ABITRAM: variants seen among roughly 807,000 people sequenced by gnomAD.
The protein encoded by ABITRAM is protein Abitram.
ABITRAM carries 19 observed loss-of-function variants against 22.9 expected under a neutral mutation model. That is an observed-to-expected ratio of 0.83 (90% CI 0.58 to 1.22). The LOEUF (loss-of-function observed/expected upper bound fraction) is 1.22. Among genes scored for constraint, ABITRAM ranks in the 50% most tolerant of loss-of-function variants. ABITRAM has a pLI of 0.00. For missense variants in ABITRAM, 215 were observed against 220.2 expected (o/e 0.98, Z 0.15); for synonymous variants, 70 against 73.9 (o/e 0.95, Z 0.27).
Position 108,940,774 on chromosome 9 carries a change from A to G in ABITRAM, c.*1088A>G, listed in dbSNP as rs1393056972. ...AAAGGCATAGGGGCCTTTGAATGGA[A>G]CAAATGCTTTCACATCATTTAAAGT... On this transcript the variant is annotated 3_prime_UTR_variant, in exon 6 of 6. Transcript: ENST00000322940. The G allele has an allele frequency of 2.0e-5, 3 of 152,182 alleles. No homozygotes were observed. The highest frequency in any genetic ancestry group is 4.8e-5 in the African/African-American group (2 of 41,454). The allele number at this position is 152,182 out of a possible 1,614,324, so 9.4% of individuals were successfully genotyped here.
intron 3 of ABITRAM, among the ~76,000 whole-genome samples, chr9:108,946,097 G>A (rs1232284769): frequency 1.3e-5 from 2 of 151,912 alleles, no homozygotes; most frequent in African/African-American, 2.4e-5. Context: ...TCAAGAGATC[G>A]AGACCATCCT....
chr9:108,938,818 A>T (rs995586636), intron 3 of ABITRAM, among the ~76,000 whole-genome samples: 1 of 152,156 alleles, frequency 6.6e-6, no homozygotes, highest in African/African-American at 2.4e-5. Context: ...AACTAACTTT[A>T]TACAATATTG....
chr9:108,939,546 C>T lies in ABITRAM; in HGVS notation c.409-3C>T, dbSNP rs1198614565. ...ACAGTACTAAATGTTCTTTCCTTTC[C>T]AGCCATCTACTGAAGGCTACATTGC... On this transcript the variant is annotated splice_polypyrimidine_tract_variant and splice_region_variant and intron_variant, in intron 5 of 5. Transcript: ENST00000322940. 1 of 1,613,034 alleles carries T rather than the reference C, an allele frequency of 6.2e-7. No homozygotes were observed. Among genetic ancestry groups the T allele is most frequent in the Non-Finnish European group, 8.5e-7 (1 of 1,179,742 alleles).
At chr9:108,945,634 T>C (rs1032734144), downstream of ABITRAM, among the ~76,000 whole-genome samples, 2 of 151,032 alleles carry the variant, frequency 1.3e-5, no homozygotes, top group Admixed American at 6.6e-5. Flanking sequence ...GCTAGTTTTT[T>C]TTTTTTTTGT....
intron 3 of ABITRAM, among the ~76,000 whole-genome samples, chr9:108,947,112 TTTC>T (rs1160867410): frequency 6.6e-5 from 9 of 136,066 alleles, no homozygotes; most frequent in Admixed American, 7.9e-5. Context: ...TAGAAATTTC[TTTC>T]TTTTTTTTTT....
downstream of ABITRAM, chr9:108,942,792 C>T: frequency 1.2e-6 from 2 of 1,612,660 alleles, no homozygotes; most frequent in East Asian, 4.5e-5. Flanking sequence ...TCCATAGTGT[C>T]CTTATTTGTA....
chr9:108,943,647 G>T (rs1830311621), downstream of ABITRAM: 1 of 1,429,126 alleles, frequency 7.0e-7, no homozygotes. Context: ...TGAAGAAAAA[G>T]GGGCTTTAAC....
downstream of ABITRAM, chr9:108,942,987 A>G: frequency 6.2e-7 from 1 of 1,613,070 alleles, no homozygotes; most frequent in Non-Finnish European, 8.5e-7. Context: ...TAACAAAGTG[A>G]AAGAAGTTGG....
intron 3 of ABITRAM, among the ~76,000 whole-genome samples, chr9:108,948,482 A>G (rs545288631): frequency 6.6e-6 from 1 of 152,222 alleles, no homozygotes; most frequent in Non-Finnish European, 1.5e-5. Flanking sequence ...TAAACAAGTA[A>G]TATTTAAGTT....
chr9:108,941,200 G>A (rs1217577098), downstream of ABITRAM, among the ~76,000 whole-genome samples: 1 of 152,096 alleles, frequency 6.6e-6, no homozygotes, highest in South Asian at 2.1e-4. Flanking sequence ...GGAAAAACTT[G>A]TAATCTGAGT....
downstream of ABITRAM, chr9:108,943,686 T>C: frequency 6.3e-7 from 1 of 1,595,186 alleles, no homozygotes; most frequent in East Asian, 2.2e-5. Context: ...TGAAAGTTTT[T>C]CATATGTCTC....
downstream of ABITRAM, chr9:108,943,050 A>G (rs968069900): frequency 1.1e-5 from 18 of 1,603,748 alleles, no homozygotes; most frequent in Middle Eastern, 1.9e-4. Flanking sequence ...TCAACCTACA[A>G]TGACAAAAAG....
downstream of ABITRAM, among the ~76,000 whole-genome samples, chr9:108,945,082 T>C (rs934359282): frequency 6.6e-6 from 1 of 152,212 alleles, no homozygotes; most frequent in Admixed American, 6.5e-5. Flanking sequence ...CATGTCTGTC[T>C]CATACAGTAT....
At position 108,935,660 on chromosome 9, in the gene ABITRAM, G is replaced by C. The variant is rs753584515; in HGVS notation, c.102G>C (p.Glu34Asp). 2.2e-5 allele frequency: 35 copies of C among 1,613,248 alleles called. No individual in the cohort carries two copies. Among genetic ancestry groups the C allele is most frequent in the Non-Finnish European group, 3.0e-5 (35 of 1,179,550 alleles). Residue 34 changes from glutamate (E) to aspartate (D), a missense_variant, in exon 2 of 6, where the codon GAG (glutamate) becomes GAC (aspartate). Physicochemically the swap from Glu to Asp is conservative, Grantham distance 45 (BLOSUM62 2). Coordinates refer to ENST00000322940, the MANE Select transcript of ABITRAM (RefSeq NM_017832.4). Reference sequence around the variant, plus strand: ...TAGATGTCAAAGGAAAATTTTGTGAGGACCACTGTATACTACAGCACTCTA... The same window carrying C: ...TAGATGTCAAAGGAAAATTTTGTGACGACCACTGTATACTACAGCACTCTA... ...YKPDVKGKFC[E>D]DHCILQHSNR...
chr9:108,948,344 A>G, intron 3 of ABITRAM: 1 of 989,614 alleles, frequency 1.0e-6, no homozygotes, highest in South Asian at 1.6e-5. Flanking sequence ...CTAAATTTTG[A>G]AGAATAATAT....
At chr9:108,949,973 G>T (rs1239868341) in intron 3 of ABITRAM, among the ~76,000 whole-genome samples, 2 of 147,858 alleles carry the variant, frequency 1.4e-5, no homozygotes, top group African/African-American at 2.5e-5. Context: ...GCAGTGAGCC[G>T]AGATCATGCC....
chr9:108,940,236 C>G lies in ABITRAM; in HGVS notation c.*550C>G, dbSNP rs1225663848. 6.6e-6 allele frequency: 1 copy of G among 152,398 alleles called. No individual in the cohort carries two copies. The highest frequency in any genetic ancestry group is 2.4e-5 in the African/African-American group (1 of 41,432). The allele number at this position is 152,398 out of a possible 1,614,324, so 9.4% of individuals were successfully genotyped here. On this transcript the variant is annotated 3_prime_UTR_variant, in exon 6 of 6. Coordinates refer to ENST00000322940, the MANE Select transcript of ABITRAM (RefSeq NM_017832.4). ...GCCAACTGCAGGACTTGAGTTCTCA[C>G]GTATGGATTTGGGTATATGTGGAAG...
downstream of ABITRAM, among the ~76,000 whole-genome samples, chr9:108,945,767 G>A (rs1830387308): frequency 6.6e-6 from 1 of 152,058 alleles, no homozygotes; most frequent in Non-Finnish European, 1.5e-5. Flanking sequence ...GAGCCATTGT[G>A]CCCAGACTGT....
chr9:108,943,848 CGCA>C, downstream of ABITRAM: 1 of 1,606,446 alleles, frequency 6.2e-7, no homozygotes, highest in Non-Finnish European at 8.5e-7. Context: ...TATAACAGCC[CGCA>C]ACAAAACTCC....
Sources: allele counts gnomAD v4.1 joint callset (sites outside exome capture counted in the v4.1 genomes callset), GRCh38; gene constraint gnomAD v4.1.1; transcripts MANE v1.5; gene names NCBI Gene and HGNC (gene_info 2026-07-23, HGNC 2026-07-21).